Variants in CIT observed in about 807,000 individuals in gnomAD.
The protein encoded by CIT is citron rho-interacting serine/threonine kinase, also known as citron Rho-interacting kinase.
A neutral mutation model predicts 272.7 loss-of-function variants in CIT; 79 were observed. The observed-to-expected ratio is 0.29, with a 90% CI of 0.24 to 0.35. The LOEUF is 0.35. Among genes scored for constraint, CIT ranks in the 10% least tolerant of loss-of-function variants. The pLI, the probability that CIT is intolerant of heterozygous loss-of-function variation, is 1.00. For synonymous variants in CIT, 948 were observed against 995.6 expected (o/e 0.95, Z 0.90); for missense variants, 1,909 against 2,618.3 (o/e 0.73, Z 5.91).
In CIT at chr12:119,822,826, G is replaced by T. The variant is rs754496604; in HGVS notation, c.1105C>A (p.Arg369Ser). ...GGAAAACAGCCCTACTTACAGTTAC[G>T]AATGTTGTTCCAGTCAATTTTAGAG... is the stretch of plus-strand genomic sequence containing the variant. ...FFSKIDWNNI[R>S]NSPPPFVPTL... is the part of the protein sequence containing the mutation. Residue 369 changes from arginine (R) to serine (S), a missense_variant, in exon 9 of 48, where the codon CGT becomes AGT. Transcript: ENST00000392521. The T allele has an allele frequency of 6.8e-6, 11 of 1,613,844 alleles. No homozygotes were observed. Among genetic ancestry groups the T allele is most frequent in the Admixed American group, 3.3e-5 (2 of 59,974 alleles).
intron 3 of CIT, among the ~76,000 whole-genome samples, chr12:119,860,621 T>C (rs1950307809): frequency 6.6e-6 from 1 of 152,114 alleles, no homozygotes. Context: ...GTGTCCAACT[T>C]AATAACTCTG....
intron 3 of CIT, among the ~76,000 whole-genome samples, chr12:119,863,010 G>A (rs1176296138): frequency 1.4e-5 from 2 of 148,108 alleles, no homozygotes; most frequent in Non-Finnish European, 3.0e-5. Context: ...GGAGACCAGC[G>A]TGGCCAGCAT....
chr12:119,790,493 C>T (rs1384180574), intron 10 of CIT, among the ~76,000 whole-genome samples: 1 of 151,992 alleles, frequency 6.6e-6, no homozygotes, highest in African/African-American at 2.4e-5. Context: ...CATTAAAATG[C>T]CTTCCAAAAT....
intron 16 of CIT, among the ~76,000 whole-genome samples, chr12:119,774,595 A>C (rs112818478): frequency 6.1e-4 from 93 of 152,284 alleles, no homozygotes; most frequent in African/African-American, 2.1e-3. Context: ...TATACATCAC[A>C]TTGCATACTA....
At position 119,712,088 on chromosome 12, in the gene CIT, A is replaced by C; in HGVS notation, c.4854+90T>G. The C allele has an allele frequency of 2.3e-6, 3 of 1,309,552 alleles. No homozygotes were observed. Among genetic ancestry groups the C allele is most frequent in the Non-Finnish European group, 2.1e-6 (2 of 947,720 alleles). 81.1% of individuals were successfully genotyped at this position (1,309,552 alleles called of 1,614,324 possible). On this transcript the variant is annotated intron_variant, in intron 37 of 47. Transcript: ENST00000392521. This position sits in a 1 kb window ranked among gnomAD's most constrained non-coding sequence, Gnocchi z 5.2. ...CAGAGAGAGAGCCTGAGGGGAATCA[A>C]AATGGCCAATGGGATTCTCGTCGTT...
chr12:119,831,875 AAAAGAAAAAAG>A (rs1187444351), intron 7 of CIT, among the ~76,000 whole-genome samples: 1 of 152,208 alleles, frequency 6.6e-6, no homozygotes, highest in Non-Finnish European at 1.5e-5. Flanking sequence ...GTCTCAAAAA[AAAAGAAAAAAG>A]AAAAAGAAAA....
chr12:119,745,208 T>TAAA (rs1239472445), intron 23 of CIT, among the ~76,000 whole-genome samples: 9 of 108,416 alleles, frequency 8.3e-5, no homozygotes, highest in African/African-American at 3.0e-4. Flanking sequence ...AAGAAAATCT[T>TAAA]AAAAAAAAAA....
chr12:119,756,470 G>T (rs1960997170), intron 22 of CIT, among the ~76,000 whole-genome samples: 1 of 152,178 alleles, frequency 6.6e-6, no homozygotes, highest in Non-Finnish European at 1.5e-5. Context: ...GCTAATTACA[G>T]GCTGAGGCGA....
In CIT at chr12:119,717,414, C is replaced by CTTTTTTTT. The variant is rs765763044; in HGVS notation, c.4168+830_4168+831insAAAAAAAA. Among the ~76,000 whole-genome samples, 474 of 109,340 alleles carry CTTTTTTTT rather than the reference C, an allele frequency of 4.3e-3. 11 individuals are homozygous for CTTTTTTTT. Among genetic ancestry groups the CTTTTTTTT allele is most frequent in the African/African-American group, 9.6e-3 (245 of 25,556 alleles). 71.7% of individuals were successfully genotyped at this position (109,340 alleles called of 152,430 possible). On this transcript the variant is annotated intron_variant, in intron 32 of 47. Transcript: ENST00000392521. Reference sequence around the variant, plus strand: ...ATTTTTTCATATTCTTTTTTCTTTTCTTTTCTTTTTTTTTTTTTTTTTTTG... The same window carrying CTTTTTTTT: ...ATTTTTTCATATTCTTTTTTCTTTTCTTTTTTTTTTTTCTTTTTTTTTTTTTTTTTTTG...
intron 24 of CIT, among the ~76,000 whole-genome samples, chr12:119,735,795 CA>C (rs1565962111): frequency 6.6e-6 from 1 of 152,092 alleles, no homozygotes; most frequent in African/African-American, 2.4e-5. Flanking sequence ...TCTTAGAAAG[CA>C]AAATGAAGTT....
chr12:119,720,404 T>A, intron 30 of CIT, 74 bp downstream of exon 30: 2 of 966,022 alleles, frequency 2.1e-6, no homozygotes, highest in South Asian at 3.0e-5. Context: ...TGATCATATA[T>A]CACAGTGGTG....
rs1963022379 is a variant in CIT at position 119,770,667 on chromosome 12, A to G, written c.2208+118T>C. The G allele has an allele frequency of 1.7e-6, 2 of 1,190,772 alleles. No individual in the cohort carries two copies. Among genetic ancestry groups the G allele is most frequent in the African/African-American group, 1.5e-5 (1 of 65,972 alleles). The allele number at this position is 1,190,772 out of a possible 1,614,324, so 73.8% of individuals were successfully genotyped here. A position where few individuals can be genotyped will look rare whatever the true frequency, so the allele number is the denominator to read the frequency against. Reference sequence around the variant, plus strand: ...GGCATATGCTGAAACCACCTCACTCAATTCATCTACTTGGAGATACCTCCC... The same window carrying G: ...GGCATATGCTGAAACCACCTCACTCGATTCATCTACTTGGAGATACCTCCC... On this transcript the variant is annotated intron_variant, in intron 18 of 47. Transcript: ENST00000392521. The surrounding 1 kb of genome is among the most constrained non-coding windows in gnomAD (Gnocchi z 4.4).
chr12:119,742,519 A>T, intron 23 of CIT, 55 bp from the exon 24 acceptor site: 2 of 1,320,164 alleles, frequency 1.5e-6, no homozygotes, highest in Non-Finnish European at 2.1e-6. Context: ...ACAATTCTAC[A>T]TGCTACGGGT....
At chr12:119,741,663 G>A (rs1348619500) in intron 24 of CIT, among the ~76,000 whole-genome samples, 1 of 152,038 alleles carries the variant, frequency 6.6e-6, no homozygotes, top group Non-Finnish European at 1.5e-5. Flanking sequence ...TACAAACAAG[G>A]ACAAGATCAC....
chr12:119,757,175 G>A (rs960323960), intron 22 of CIT, among the ~76,000 whole-genome samples, 196 bp downstream of exon 22: 1 of 151,200 alleles, frequency 6.6e-6, no homozygotes, highest in African/African-American at 2.4e-5. Context: ...CATAAACCTT[G>A]GTGTTTTTCC....
chr12:119,718,633 T>C lies in CIT; in HGVS notation c.4003+66A>G. 1 of 1,595,894 alleles carries C rather than the reference T, an allele frequency of 6.3e-7. No individual in the cohort carries two copies. Among genetic ancestry groups the C allele is most frequent in the Non-Finnish European group, 8.6e-7 (1 of 1,167,666 alleles). ...CACTGAGCTAGTTAGTCTTGGCTGA[T>C]CTCACTGAGATCAATCCTCTGCCTT... On this transcript the variant is annotated intron_variant, in intron 31 of 47. Coordinates refer to ENST00000392521, the MANE Select transcript of CIT (RefSeq NM_001206999.2). This position sits in a 1 kb window ranked among gnomAD's most constrained non-coding sequence, Gnocchi z 4.8.
chr12:119,702,743 G>A (rs770759651), intron 41 of CIT, among the ~76,000 whole-genome samples: 1 of 151,460 alleles, frequency 6.6e-6, no homozygotes, highest in Non-Finnish European at 1.5e-5. Context: ...GACAGATCTT[G>A]AACAATACAA....
At chr12:119,796,670 G>C (rs868705352) in intron 10 of CIT, among the ~76,000 whole-genome samples, 1 of 152,112 alleles carries the variant, frequency 6.6e-6, no homozygotes, top group African/African-American at 2.4e-5. Context: ...GGAGGCCATG[G>C]GGAGGTAAGA....
At chr12:119,860,264 A>G (rs1219226146) in intron 3 of CIT, among the ~76,000 whole-genome samples, 1 of 152,152 alleles carries the variant, frequency 6.6e-6, no homozygotes, top group African/African-American at 2.4e-5. Flanking sequence ...AATCATCCTG[A>G]ATACACCTTC....
Sources: gnomAD v4.1 joint callset for allele counts (sites outside exome capture counted in the v4.1 genomes callset) on GRCh38, gnomAD v4.1.1 for gene constraint, Gnocchi (gnomAD v3.1) non-coding constraint, MANE v1.5 for transcripts, NCBI Gene and HGNC (gene_info 2026-07-23, HGNC 2026-07-21) for gene names.